The following DIS3L2 variants were observed in gnomAD, a reference collection of about 807,000 sequenced individuals.
DIS3L2 encodes DIS3-like exonuclease 2.
DIS3L2 carries 34 observed loss-of-function variants against 97.5 expected under a neutral mutation model. The ratio of observed to expected loss-of-function variants is 0.35; its 90% CI spans 0.27 to 0.46. DIS3L2 has a LOEUF of 0.46. DIS3L2 is among the 20% of genes least tolerant of loss of function. DIS3L2 has a pLI of 1.00. For missense variants in DIS3L2, 1,038 were observed against 1,146.0 expected (o/e 0.91, Z 1.36); for synonymous variants, 435 against 445.2 (o/e 0.98, Z 0.29).
chr2:232,269,089 C>G lies in DIS3L2; in HGVS notation c.1659+5649C>G, dbSNP rs537725772. 8.7e-4 allele frequency among the ~76,000 whole-genome samples: 132 copies of G among 152,346 alleles called. No homozygotes were observed. Among genetic ancestry groups the G allele is most frequent in the Non-Finnish European group, 1.6e-3 (106 of 68,026 alleles). ...TTCACAGTCAGGTCTTCATCCCACC[C>G]AAGCCCACTTGCAGAGATGCTGGCT... On this transcript the variant is annotated intron_variant, in intron 13 of 20. Transcript: ENST00000325385. This position sits in a 1 kb window ranked among gnomAD's most constrained non-coding sequence, Gnocchi z 4.5.
chr2:232,189,673 A>G (rs1691557418), intron 9 of DIS3L2, among the ~76,000 whole-genome samples: 1 of 152,196 alleles, frequency 6.6e-6, no homozygotes, highest in Non-Finnish European at 1.5e-5. Context: ...ACATGAACCT[A>G]CATATGTAAT....
chr2:232,205,219 T>TATATATATATAC (rs1691997155), intron 9 of DIS3L2, among the ~76,000 whole-genome samples: 1 of 80,758 alleles, frequency 1.2e-5, no homozygotes, highest in African/African-American at 3.7e-5. Context: ...TACATATATA[T>TATATATATATAC]ATATATATAT....
chr2:232,311,114 T>A (rs1695117173), intron 14 of DIS3L2, among the ~76,000 whole-genome samples: 1 of 152,228 alleles, frequency 6.6e-6, no homozygotes, highest in Non-Finnish European at 1.5e-5. Context: ...GACCTTCAGC[T>A]CTTTCTGGCT....
chr2:232,102,437 C>T (rs185285200), intron 6 of DIS3L2, among the ~76,000 whole-genome samples: 17 of 152,098 alleles, frequency 1.1e-4, no homozygotes, highest in Admixed American at 9.2e-4. Context: ...TTCTTAGGTG[C>T]GATAATGATA....
chr2:232,086,936 TC>T (rs1472510161), intron 5 of DIS3L2, among the ~76,000 whole-genome samples: 1 of 151,810 alleles, frequency 6.6e-6, no homozygotes, highest in African/African-American at 2.4e-5. Flanking sequence ...CGCCTCAGCC[TC>T]CCAAAAGTGC....
intron 1 of DIS3L2, among the ~76,000 whole-genome samples, chr2:231,965,003 C>A (rs538507867): frequency 6.6e-6 from 1 of 152,250 alleles, no homozygotes; most frequent in South Asian, 2.1e-4. Flanking sequence ...TGTGGCATTT[C>A]GAAGTTCTTA....
chr2:232,113,136 G>A (rs186088917), intron 6 of DIS3L2, among the ~76,000 whole-genome samples: 6 of 152,124 alleles, frequency 3.9e-5, no homozygotes, highest in Admixed American at 6.5e-5. Context: ...GAGAAACTGG[G>A]GCATGGCTGG....
intron 5 of DIS3L2, among the ~76,000 whole-genome samples, chr2:232,046,421 A>G (rs1043341732): frequency 2.6e-5 from 4 of 152,234 alleles, no homozygotes; most frequent in Non-Finnish European, 5.9e-5. Context: ...TATGAGCATT[A>G]TATTTTGAGA....
At chr2:232,034,076 C>T (rs923600263) in intron 5 of DIS3L2, among the ~76,000 whole-genome samples, 1 of 152,040 alleles carries the variant, frequency 6.6e-6, no homozygotes, top group Non-Finnish European at 1.5e-5. Flanking sequence ...TGGTAGAATT[C>T]GGCTGTGAAT....
At chr2:232,062,921 A>T (rs1375495765) in intron 5 of DIS3L2, among the ~76,000 whole-genome samples, 1 of 151,342 alleles carries the variant, frequency 6.6e-6, no homozygotes, top group African/African-American at 2.4e-5. Flanking sequence ...CTAACACAAC[A>T]CCATAGGGTT....
At chr2:231,991,072 A>G (rs1693572401) in intron 1 of DIS3L2, among the ~76,000 whole-genome samples, 1 of 151,370 alleles carries the variant, frequency 6.6e-6, no homozygotes, top group African/African-American at 2.4e-5. Context: ...TGCCCGGCTA[A>G]TTTTTGTATT....
At chr2:232,019,487 A>G (rs553143064) in intron 3 of DIS3L2, among the ~76,000 whole-genome samples, 3 of 151,024 alleles carry the variant, frequency 2.0e-5, no homozygotes. Context: ...GTTGGAGGCT[A>G]TGGTAGGTAA....
At chr2:232,158,180 C>T (rs1421582244) in intron 8 of DIS3L2, among the ~76,000 whole-genome samples, 1 of 152,200 alleles carries the variant, frequency 6.6e-6, no homozygotes, top group Non-Finnish European at 1.5e-5. Context: ...GCTATATTGT[C>T]TTTTCAGAGA....
intron 14 of DIS3L2, among the ~76,000 whole-genome samples, chr2:232,315,071 C>A (rs769837445): frequency 5.9e-5 from 9 of 152,154 alleles, no homozygotes; most frequent in Non-Finnish European, 1.2e-4. Flanking sequence ...TACTGCCAGG[C>A]GGTCTTTAAA....
intron 6 of DIS3L2, among the ~76,000 whole-genome samples, chr2:232,124,008 C>T (rs572329921): frequency 6.6e-6 from 1 of 152,174 alleles, no homozygotes; most frequent in Non-Finnish European, 1.5e-5. Flanking sequence ...GTTTCTTCAA[C>T]CTAGGCCTCA....
intron 9 of DIS3L2, among the ~76,000 whole-genome samples, chr2:232,206,756 C>T (rs1181900644): frequency 2.0e-5 from 3 of 152,076 alleles, no homozygotes; most frequent in African/African-American, 7.2e-5. Context: ...GGTTTAAGAG[C>T]AGATTTTTAA....
At chr2:232,117,111 G>A (rs1317006556) in intron 6 of DIS3L2, among the ~76,000 whole-genome samples, 1 of 152,110 alleles carries the variant, frequency 6.6e-6, no homozygotes, top group East Asian at 1.9e-4. Flanking sequence ...CTGCACCCAT[G>A]ACTCTGCAGT....
chr2:232,166,386 G>C (rs767226207), intron 9 of DIS3L2, among the ~76,000 whole-genome samples: 1 of 152,208 alleles, frequency 6.6e-6, no homozygotes, highest in Non-Finnish European at 1.5e-5. Flanking sequence ...GAAGGAGTTT[G>C]TAGGGTGCTC....
intron 9 of DIS3L2, among the ~76,000 whole-genome samples, chr2:232,177,204 A>G (rs1362328057): frequency 2.8e-5 from 4 of 142,274 alleles, no homozygotes; most frequent in Non-Finnish European, 4.6e-5. Context: ...CCAGTCTATC[A>G]TTGTTGGACA....
Sources: gnomAD v4.1 joint callset for allele counts (sites outside exome capture counted in the v4.1 genomes callset) on GRCh38, gnomAD v4.1.1 for gene constraint, Gnocchi (gnomAD v3.1) non-coding constraint, MANE v1.5 for transcripts, NCBI Gene and HGNC (gene_info 2026-07-23, HGNC 2026-07-21) for gene names.